SNX25: variants seen among roughly 807,000 people sequenced by gnomAD.
The protein encoded by SNX25 is sorting nexin-25.
SNX25 carries 62 observed loss-of-function variants against 113.7 expected under a neutral mutation model. That is an observed-to-expected ratio of 0.55 (90% confidence interval 0.44 to 0.67). The LOEUF (loss-of-function observed/expected upper bound fraction) is 0.67. Among genes scored for constraint, SNX25 ranks in the 30% least tolerant of loss-of-function variants. The probability of loss-of-function intolerance (pLI) is 0.00; values close to 1 mark genes in which losing one functional copy is unlikely to be tolerated. For missense variants in SNX25, 1,014 were observed against 1,161.0 expected (o/e 0.87, Z 1.84); for synonymous variants, 421 against 436.2 (o/e 0.97, Z 0.43).
intron 6 of SNX25, among the ~76,000 whole-genome samples, chr4:185,302,250 AAG>A (rs1753808354): frequency 6.6e-6 from 1 of 152,112 alleles, no homozygotes; most frequent in Non-Finnish European, 1.5e-5. Context: ...AAATGCAAGT[AAG>A]AGTTTCCCTG....
chr4:185,296,084 G>A (rs572027015), intron 6 of SNX25: 22 of 152,296 alleles, frequency 1.4e-4, no homozygotes, highest in Non-Finnish European at 3.1e-4. Context: ...ATCTCCTGGA[G>A]GGGACAAATG....
chr4:185,293,958 CAAGTAGGAAT>C (rs1487430021), intron 6 of SNX25, among the ~76,000 whole-genome samples: 1 of 151,828 alleles, frequency 6.6e-6, no homozygotes, highest in Non-Finnish European at 1.5e-5. Context: ...GCCGATGCAC[CAAGTAGGAAT>C]AAGGTATTGC....
At chr4:185,236,862 G>A (rs537271066) in intron 1 of SNX25, among the ~76,000 whole-genome samples, 2 of 152,256 alleles carry the variant, frequency 1.3e-5, no homozygotes, top group South Asian at 4.1e-4. Flanking sequence ...GTATGGAAAA[G>A]TAACTTGCCC....
chr4:185,352,411 G>A (rs571102871), intron 14 of SNX25, among the ~76,000 whole-genome samples: 5 of 152,268 alleles, frequency 3.3e-5, no homozygotes, highest in East Asian at 1.9e-4. Context: ...CAGCTGGGGC[G>A]GAAGTCAGCA....
At chr4:185,333,387 A>G (rs1287412360) in intron 10 of SNX25, among the ~76,000 whole-genome samples, 1 of 152,222 alleles carries the variant, frequency 6.6e-6, no homozygotes, top group Non-Finnish European at 1.5e-5. Context: ...AGCGGTCAAC[A>G]TGAAAGCAAC....
chr4:185,339,655 AT>A, intron 11 of SNX25, 145 bp downstream of exon 11: 1 of 1,049,102 alleles, frequency 9.5e-7, no homozygotes, highest in East Asian at 2.8e-5. Context: ...TTCCCCCACA[AT>A]TTTCACTCCG....
downstream of SNX25, chr4:185,374,004 A>G: frequency 1.3e-6 from 1 of 745,068 alleles, no homozygotes; most frequent in South Asian, 1.9e-5. Context: ...CCTAAAATGT[A>G]TGCTTTCTTT....
chr4:185,373,227 A>G, downstream of SNX25: 1 of 704,778 alleles, frequency 1.4e-6, no homozygotes, highest in Non-Finnish European at 2.3e-6. Flanking sequence ...CGCATTTCAC[A>G]CTAGCACACA....
intron 3 of SNX25, 31 bp from the exon 4 acceptor site, chr4:185,264,404 ACTT>A: frequency 6.3e-7 from 1 of 1,594,122 alleles, no homozygotes; most frequent in Non-Finnish European, 8.6e-7. Context: ...GTTTCTAGAA[ACTT>A]CTTTCCTTCT....
intron 2 of SNX25, among the ~76,000 whole-genome samples, chr4:185,251,820 A>G (rs76052830): frequency 1.1e-4 from 16 of 149,266 alleles, no homozygotes; most frequent in African/African-American, 2.5e-4. Context: ...ACTTGTGGGG[A>G]AAAAAAAAAG....
intron 5 of SNX25, among the ~76,000 whole-genome samples, chr4:185,281,787 G>C (rs992385590): frequency 6.6e-6 from 1 of 152,110 alleles, no homozygotes; most frequent in Non-Finnish European, 1.5e-5. Context: ...AGGCTGAGGC[G>C]GGCAGATCAC....
intron 1 of SNX25, among the ~76,000 whole-genome samples, chr4:185,233,338 T>G (rs1433033672): frequency 1.3e-5 from 2 of 151,966 alleles, no homozygotes; most frequent in Non-Finnish European, 2.9e-5. Flanking sequence ...ATAATTTATT[T>G]ACCGTTCCCT....
intron 3 of SNX25, among the ~76,000 whole-genome samples, chr4:185,261,316 A>T (rs928401318): frequency 6.6e-6 from 1 of 152,080 alleles, no homozygotes; most frequent in Admixed American, 6.5e-5. Flanking sequence ...AGCTGGGATT[A>T]TAGGCATGTG....
intron 14 of SNX25, 99 bp from the exon 15 acceptor site, chr4:185,353,386 C>T (rs754631122): frequency 2.2e-5 from 18 of 834,992 alleles, no homozygotes; most frequent in South Asian, 5.0e-5. Flanking sequence ...GGCTAAAATA[C>T]GAGCAGATAG....
chr4:185,353,673 A>G (rs2126746262), intron 15 of SNX25, 71 bp downstream of exon 15: 1 of 1,100,946 alleles, frequency 9.1e-7, no homozygotes, highest in Non-Finnish European at 1.4e-6. Context: ...ATTCACATGC[A>G]TTTAATATCC....
chr4:185,296,808 CT>C (rs1752899873), intron 6 of SNX25, among the ~76,000 whole-genome samples: 1 of 152,172 alleles, frequency 6.6e-6, no homozygotes, highest in Non-Finnish European at 1.5e-5. Flanking sequence ...TTCCCTGCCC[CT>C]ATTTTATCAT....
At chr4:185,354,771 C>T (rs959029283) in intron 15 of SNX25, among the ~76,000 whole-genome samples, 1 of 152,198 alleles carries the variant, frequency 6.6e-6, no homozygotes, top group Non-Finnish European at 1.5e-5. Flanking sequence ...ATTCACAGCT[C>T]CCAACACTCT....
chr4:185,351,735 T>G, intron 14 of SNX25, 126 bp downstream of exon 14: 1 of 976,810 alleles, frequency 1.0e-6, no homozygotes, highest in African/African-American at 1.7e-5. Context: ...TTGAGGCACC[T>G]GCTTGTATTT....
intron 6 of SNX25, among the ~76,000 whole-genome samples, chr4:185,310,168 T>A (rs140282292): frequency 6.6e-6 from 1 of 152,364 alleles, no homozygotes; most frequent in East Asian, 1.9e-4. Flanking sequence ...ATAGCCCGTG[T>A]TATAGGTGCT....
Sources: gnomAD v4.1 joint callset for allele counts (sites outside exome capture counted in the v4.1 genomes callset) on GRCh38, gnomAD v4.1.1 for gene constraint, MANE v1.5 for transcripts, NCBI Gene and HGNC (gene_info 2026-07-23, HGNC 2026-07-21) for gene names.